Variants in DLG2 observed in about 807,000 individuals in gnomAD.
DLG2 encodes disks large homolog 2.
A neutral mutation model predicts 132.5 loss-of-function variants in DLG2; 45 were observed. That is an observed-to-expected ratio of 0.34 (90% CI 0.27 to 0.44). The LOEUF is 0.44. DLG2 is among the 20% of genes least tolerant of loss of function. DLG2 has a pLI of 1.00. For missense variants in DLG2, 1,045 were observed against 1,196.9 expected (o/e 0.87, Z 1.87); for synonymous variants, 424 against 419.6 (o/e 1.01, Z -0.13).
intron 6 of DLG2, among the ~76,000 whole-genome samples, chr11:84,768,968 G>T (rs1358571729): frequency 2.0e-5 from 3 of 151,898 alleles, no homozygotes; most frequent in Non-Finnish European, 4.4e-5. Flanking sequence ...ACATTGTAGG[G>T]AAATACAGAA....
chr11:84,678,889 G>C (rs2099721654), intron 6 of DLG2, among the ~76,000 whole-genome samples: 1 of 151,936 alleles, frequency 6.6e-6, no homozygotes, highest in African/African-American at 2.4e-5. Context: ...TTGTGATATA[G>C]CAGTAATACT....
At chr11:84,691,974 C>T (rs2058095924) in intron 6 of DLG2, among the ~76,000 whole-genome samples, 1 of 151,804 alleles carries the variant, frequency 6.6e-6, no homozygotes, top group African/African-American at 2.4e-5. Flanking sequence ...CTCCACATTT[C>T]TGCCTTTCAG....
intron 3 of DLG2, among the ~76,000 whole-genome samples, chr11:85,548,679 G>A (rs1323044842): frequency 3.9e-5 from 6 of 152,152 alleles, no homozygotes; most frequent in African/African-American, 7.2e-5. Flanking sequence ...TTTCAGAGAC[G>A]CCCTGTCCAG....
intron 19 of DLG2, among the ~76,000 whole-genome samples, chr11:83,561,687 T>C (rs1379029201): frequency 6.6e-6 from 1 of 152,174 alleles, no homozygotes; most frequent in Non-Finnish European, 1.5e-5. Context: ...GGTAATCCTT[T>C]GGAATAAGCA....
At chr11:85,471,139 G>C (rs1345049860) in intron 3 of DLG2, among the ~76,000 whole-genome samples, 5 of 152,144 alleles carry the variant, frequency 3.3e-5, no homozygotes, top group Non-Finnish European at 7.4e-5. Context: ...CTGCAGTATA[G>C]TTCCTGGTAC....
intron 11 of DLG2, among the ~76,000 whole-genome samples, chr11:84,043,133 A>AAGCAATTTATTAATTAATTATAAATTG (rs1299045247): frequency 4.9e-4 from 75 of 151,742 alleles, no homozygotes; most frequent in African/African-American, 1.4e-3. Flanking sequence ...AAATTTATTT[A>AAGCAATTTATTAATTAATTATAAATTG]AGCAATTTAT....
intron 6 of DLG2, among the ~76,000 whole-genome samples, chr11:84,776,314 G>A (rs980719027): frequency 6.6e-6 from 1 of 151,992 alleles, no homozygotes; most frequent in Non-Finnish European, 1.5e-5. Context: ...ACCATGCCTG[G>A]CTAATTTTTT....
rs181870348 is a variant in DLG2, at chr11:84,975,203, T to C, written c.357+136458A>G. ...CAGACTACTATTTATCTATCCATTATCCATTTTCCCTTCTTCTTTACTAAG... is the reference window on the plus strand; with the variant it reads ...CAGACTACTATTTATCTATCCATTACCCATTTTCCCTTCTTCTTTACTAAG... On this transcript the variant is annotated intron_variant, in intron 6 of 27. Coordinates refer to ENST00000376104, the MANE Select transcript of DLG2 (RefSeq NM_001142699.3). 1.5e-3 allele frequency among the ~76,000 whole-genome samples: 233 copies of C among 152,328 alleles called. 1 individual carries two copies. The highest frequency in any genetic ancestry group is 2.5e-3 in the Non-Finnish European group (172 of 68,030).
intron 5 of DLG2, among the ~76,000 whole-genome samples, chr11:85,143,934 T>C (rs2076668086): frequency 6.6e-6 from 1 of 151,884 alleles, no homozygotes; most frequent in African/African-American, 2.4e-5. Context: ...TAATATCTAT[T>C]AGGCCCATTT....
At chr11:85,122,345 T>A (rs2074420117) in intron 5 of DLG2, among the ~76,000 whole-genome samples, 1 of 152,104 alleles carries the variant, frequency 6.6e-6, no homozygotes, top group South Asian at 2.1e-4. Context: ...AAGAAATGTA[T>A]TAGGGAAGTA....
intron 3 of DLG2, among the ~76,000 whole-genome samples, chr11:85,564,829 G>A (rs1310005728): frequency 3.3e-5 from 5 of 151,792 alleles, no homozygotes; most frequent in Admixed American, 3.3e-4. Context: ...GAGCAATTTG[G>A]GGAGAACTAG....
chr11:83,706,940 G>T (rs2084148305), intron 18 of DLG2, among the ~76,000 whole-genome samples: 1 of 152,172 alleles, frequency 6.6e-6, no homozygotes, highest in African/African-American at 2.4e-5. Context: ...CCCATATGGG[G>T]TCATGATAAC....
In DLG2 at chr11:83,699,914, TTATC is replaced by T. The variant is rs1402707322; in HGVS notation, c.1826-66593_1826-66590del. On this transcript the variant is annotated intron_variant, in intron 18 of 27. Coordinates refer to ENST00000376104, the MANE Select transcript of DLG2 (RefSeq NM_001142699.3). ...GTATGTATGTATGTATGTATCTATC[TTATC>T]TATCCCCCCACCACACATGCACACA... Among the ~76,000 whole-genome samples, 316 of 145,510 alleles carry T rather than the reference TTATC, an allele frequency of 2.2e-3. 4 individuals are homozygous for T. The highest frequency in any genetic ancestry group is 7.7e-3 in the African/African-American group (296 of 38,644).
chr11:85,422,860 T>C (rs1032067288), intron 3 of DLG2, among the ~76,000 whole-genome samples: 3 of 152,188 alleles, frequency 2.0e-5, no homozygotes, highest in Non-Finnish European at 2.9e-5. Flanking sequence ...TCTTTTTTTT[T>C]ATTTCCTTAC....
At chr11:84,639,438 A>G (rs1016768017) in intron 6 of DLG2, among the ~76,000 whole-genome samples, 5 of 151,762 alleles carry the variant, frequency 3.3e-5, no homozygotes, top group African/African-American at 1.2e-4. Context: ...CAAATAAAGC[A>G]TAAACAAATA....
At chr11:85,078,079 C>T (rs1430539999) in intron 6 of DLG2, among the ~76,000 whole-genome samples, 1 of 151,626 alleles carries the variant, frequency 6.6e-6, no homozygotes, top group African/African-American at 2.4e-5. Context: ...TCATGGAACA[C>T]CCACTGTGAG....
chr11:84,711,379 A>AGATC (rs758980087), intron 6 of DLG2, among the ~76,000 whole-genome samples: 8 of 63,040 alleles, frequency 1.3e-4, no homozygotes, highest in East Asian at 1.1e-3. Flanking sequence ...AGAGAGAGAG[A>AGATC]GATCGATCGA....
chr11:84,092,698 GT>G (rs935526117), intron 10 of DLG2, among the ~76,000 whole-genome samples: 1 of 152,074 alleles, frequency 6.6e-6, no homozygotes, highest in African/African-American at 2.4e-5. Flanking sequence ...ACACAGGAAG[GT>G]TTTTCATAAT....
intron 6 of DLG2, among the ~76,000 whole-genome samples, chr11:84,858,703 A>T (rs1213565606): frequency 6.6e-6 from 1 of 152,120 alleles, no homozygotes; most frequent in Non-Finnish European, 1.5e-5. Flanking sequence ...TACTCAAACA[A>T]GTCTCAAGAA....
Sources: gnomAD v4.1 joint callset for allele counts (sites outside exome capture counted in the v4.1 genomes callset) on GRCh38, gnomAD v4.1.1 for gene constraint, MANE v1.5 for transcripts, NCBI Gene and HGNC (gene_info 2026-07-23, HGNC 2026-07-21) for gene names.